The following DIAPH3 variants were observed in gnomAD, a reference collection of about 807,000 sequenced individuals.
DIAPH3 encodes protein diaphanous homolog 3.
Under a neutral mutation model 144.3 loss-of-function variants are expected in DIAPH3, and 117 were observed. The observed-to-expected ratio is 0.81, with a 90% CI of 0.70 to 0.95. The LOEUF is 0.95. DIAPH3 is among the 40% of genes least tolerant of loss of function. The probability of loss-of-function intolerance (pLI) is 0.00; values close to 1 mark genes in which losing one functional copy is unlikely to be tolerated. For synonymous variants in DIAPH3, 519 were observed against 488.9 expected (o/e 1.06, Z -0.81); for missense variants, 1,421 against 1,412.7 (o/e 1.01, Z -0.09).
chr13:59,744,889 T>C (rs567784737), intron 27 of DIAPH3, among the ~76,000 whole-genome samples: 1 of 152,282 alleles, frequency 6.6e-6, no homozygotes, highest in Non-Finnish European at 1.5e-5. Flanking sequence ...ATGCACCATG[T>C]TGGGGATGCC....
chr13:60,144,238 GCCCAAATGAATCAATA>G (rs891288807), intron 1 of DIAPH3, among the ~76,000 whole-genome samples: 12 of 152,148 alleles, frequency 7.9e-5, no homozygotes, highest in African/African-American at 2.7e-4. Flanking sequence ...TAATATCCCA[GCCCAAATGAATCAATA>G]CCCAAAGATG....
intron 4 of DIAPH3, among the ~76,000 whole-genome samples, chr13:60,049,688 T>C (rs2056246763): frequency 6.6e-6 from 1 of 152,226 alleles, no homozygotes; most frequent in East Asian, 1.9e-4. Flanking sequence ...AAAGGATATA[T>C]TGAACACCTA....
At chr13:59,969,812 A>G in intron 17 of DIAPH3, 132 bp downstream of exon 17, 1 of 503,618 alleles carries the variant, frequency 2.0e-6, no homozygotes, top group Non-Finnish European at 3.5e-6. Flanking sequence ...TATACCATTT[A>G]TTTGCCCATT....
intron 5 of DIAPH3, among the ~76,000 whole-genome samples, chr13:60,035,979 T>C (rs958690830): frequency 1.3e-5 from 2 of 152,180 alleles, no homozygotes; most frequent in African/African-American, 4.8e-5. Flanking sequence ...CCAGGGACCA[T>C]AACTATAGCA....
intron 18 of DIAPH3, among the ~76,000 whole-genome samples, chr13:59,923,809 G>C (rs2047630295): frequency 6.6e-6 from 1 of 152,174 alleles, no homozygotes; most frequent in Non-Finnish European, 1.5e-5. Flanking sequence ...CTGCATTGTA[G>C]AAAAGAGATG....
At chr13:60,154,493 T>A (rs1566831545) in intron 1 of DIAPH3, among the ~76,000 whole-genome samples, 1 of 152,128 alleles carries the variant, frequency 6.6e-6, no homozygotes, top group Non-Finnish European at 1.5e-5. Context: ...TAGCAGTGGG[T>A]CTTTTGAAGA....
At chr13:60,084,471 A>C (rs2057684243) in intron 4 of DIAPH3, among the ~76,000 whole-genome samples, 3 of 152,038 alleles carry the variant, frequency 2.0e-5, no homozygotes, top group Admixed American at 2.0e-4. Context: ...TCCAGACCTA[A>C]ATAAAAATAA....
rs1455587959 is a variant in DIAPH3, at chr13:60,043,507, C to T, written c.496-687G>A. ...CTTCCAGACCAAAACATAACACACA[C>T]GTACACATGCAGAGAAAAACAAAAA... On this transcript the variant is annotated intron_variant, in intron 4 of 27. Transcript: ENST00000400324. Among the ~76,000 whole-genome samples the T allele has an allele frequency of 3.9e-5, 6 of 152,222 alleles. No homozygotes were observed. The East Asian group carries it at 9.7e-4, about 24-fold the overall frequency.
chr13:59,858,680 A>G (rs531717702), intron 22 of DIAPH3, among the ~76,000 whole-genome samples: 3 of 152,186 alleles, frequency 2.0e-5, no homozygotes, highest in Non-Finnish European at 2.9e-5. Flanking sequence ...AATCAATAAA[A>G]CCTTTATAGA....
At chr13:59,974,224 C>G in intron 15 of DIAPH3, 128 bp downstream of exon 15, 2 of 761,198 alleles carry the variant, frequency 2.6e-6, no homozygotes, top group South Asian at 1.6e-5. Flanking sequence ...AAACACAGTA[C>G]AAATAATGCT....
chr13:59,777,093 C>T (rs561954450), intron 25 of DIAPH3, among the ~76,000 whole-genome samples: 3 of 152,240 alleles, frequency 2.0e-5, no homozygotes, highest in South Asian at 4.1e-4. Context: ...CCATTACTCC[C>T]TAAAAGGAAT....
chr13:59,833,039 T>A (rs938985771), intron 24 of DIAPH3, 68 bp downstream of exon 24: 2 of 1,151,202 alleles, frequency 1.7e-6, no homozygotes, highest in Admixed American at 3.9e-5. Context: ...AGTAGAACGA[T>A]GTAATGAGAT....
chr13:60,087,414 T>G (rs140807873), intron 4 of DIAPH3, among the ~76,000 whole-genome samples: 17 of 152,332 alleles, frequency 1.1e-4, no homozygotes, highest in African/African-American at 3.4e-4. Context: ...CACTATATTA[T>G]ACATATATCC....
In DIAPH3 at chr13:60,126,533, C is replaced by T. The variant is rs374613617; in HGVS notation, c.213+6424G>A. Among the ~76,000 whole-genome samples the T allele has an allele frequency of 2.2e-3, 331 of 152,280 alleles. 20 individuals carry two copies. In the South Asian group the frequency reaches 0.067, roughly 31 times the overall value. ...ATCACAGTGGGAGACTTCGATACTT[C>T]TCTCAATAATTGTTAGAACACACAG... On this transcript the variant is annotated intron_variant, in intron 2 of 27. Transcript: ENST00000400324.
At chr13:59,953,034 C>T (rs1232743658) in intron 17 of DIAPH3, among the ~76,000 whole-genome samples, 2 of 152,056 alleles carry the variant, frequency 1.3e-5, no homozygotes, top group Non-Finnish European at 2.9e-5. Flanking sequence ...AGATAAATGA[C>T]ATGAAAACTA....
At chr13:60,128,384 T>G (rs75305715) in intron 2 of DIAPH3, among the ~76,000 whole-genome samples, 1 of 152,194 alleles carries the variant, frequency 6.6e-6, no homozygotes, top group African/African-American at 2.4e-5. Context: ...TGTACATGTG[T>G]CTTTATGGTA....
intron 1 of DIAPH3, among the ~76,000 whole-genome samples, chr13:60,135,365 A>G (rs1320391273): frequency 2.0e-5 from 3 of 152,022 alleles, no homozygotes; most frequent in Non-Finnish European, 2.9e-5. Context: ...AGGTATGTAC[A>G]TAAGCCCAGT....
chr13:59,944,786 A>G (rs2140403712), intron 17 of DIAPH3, among the ~76,000 whole-genome samples: 1 of 104,160 alleles, frequency 9.6e-6, no homozygotes, highest in Non-Finnish European at 2.3e-5. Flanking sequence ...TCTGTGTGTT[A>G]GAAAAAAAGG....
At chr13:59,768,412 C>T (rs1342847715) in intron 27 of DIAPH3, among the ~76,000 whole-genome samples, 2 of 152,094 alleles carry the variant, frequency 1.3e-5, no homozygotes, top group Non-Finnish European at 2.9e-5. Flanking sequence ...ACATTTACTA[C>T]TTCAATAGAG....
Sources: gnomAD v4.1 joint callset for allele counts (sites outside exome capture counted in the v4.1 genomes callset) on GRCh38, gnomAD v4.1.1 for gene constraint, MANE v1.5 for transcripts, NCBI Gene and HGNC (gene_info 2026-07-23, HGNC 2026-07-21) for gene names.